Variants in MEIS2 observed in about 807,000 individuals in gnomAD.
MEIS2 encodes Meis homeobox 2.
MEIS2 carries 9 observed loss-of-function variants against 58.6 expected under a neutral mutation model. The ratio of observed to expected loss-of-function variants is 0.15; its 90% CI spans 0.09 to 0.27. MEIS2 has a LOEUF of 0.27. MEIS2 is among the 10% of genes least tolerant of loss of function. The pLI is 1.00. For missense variants in MEIS2, 427 were observed against 635.0 expected (o/e 0.67, Z 3.52); for synonymous variants, 221 against 228.4 (o/e 0.97, Z 0.29).
At chr15:36,999,482 A>G (rs924087348) in intron 8 of MEIS2, among the ~76,000 whole-genome samples, 5 of 152,196 alleles carry the variant, frequency 3.3e-5, no homozygotes, top group African/African-American at 1.2e-4. Flanking sequence ...TGAGCAAGGT[A>G]AGGGCATGCA....
At chr15:36,892,537 A>T in intron 11 of MEIS2, 78 bp from the exon 12 acceptor site, 7 of 1,107,446 alleles carry the variant, frequency 6.3e-6, no homozygotes, top group Non-Finnish European at 6.4e-6. Flanking sequence ...GATGAAAAGA[A>T]AAAAAAAAAA....
chr15:37,050,191 A>G (rs17528255), intron 7 of MEIS2, among the ~76,000 whole-genome samples: 11,524 of 152,204 alleles, frequency 0.076, 623 homozygotes, highest in Non-Finnish European at 0.11. Context: ...ACTTCCACAA[A>G]CAGATACACA....
chr15:37,099,376 G>GA, intron 1 of MEIS2, 79 bp downstream of exon 1: 1 of 1,591,866 alleles, frequency 6.3e-7, no homozygotes, highest in East Asian at 2.2e-5. Flanking sequence ...CAGAAGCGTT[G>GA]AAGGGAGAGG....
intron 9 of MEIS2, among the ~76,000 whole-genome samples, chr15:36,920,431 G>A (rs182525907): frequency 3.2e-4 from 49 of 152,320 alleles, no homozygotes; most frequent in African/African-American, 1.0e-3. Context: ...ACAGGCGTGA[G>A]CCACGGCGCC....
intron 7 of MEIS2, among the ~76,000 whole-genome samples, chr15:37,051,993 G>A (rs890764639): frequency 4.6e-5 from 7 of 150,634 alleles, no homozygotes; most frequent in East Asian, 1.9e-4. Context: ...AAAAAATACC[G>A]ATAATAACTT....
At chr15:37,000,435 A>G (rs957027713) in intron 8 of MEIS2, among the ~76,000 whole-genome samples, 44 of 152,144 alleles carry the variant, frequency 2.9e-4, no homozygotes, top group African/African-American at 9.7e-4. Flanking sequence ...TCTTTCTGCA[A>G]CCACAACCCC....
At chr15:37,044,278 T>C (rs1446839737) in intron 7 of MEIS2, among the ~76,000 whole-genome samples, 2 of 152,160 alleles carry the variant, frequency 1.3e-5, no homozygotes, top group Non-Finnish European at 2.9e-5. Flanking sequence ...CCCTCTCTGC[T>C]AAAGAAATAA....
chr15:37,064,636 T>G (rs1378756411), intron 7 of MEIS2, among the ~76,000 whole-genome samples: 1 of 152,210 alleles, frequency 6.6e-6, no homozygotes, highest in African/African-American at 2.4e-5. Flanking sequence ...CAAATTAATT[T>G]TAACTGTGTA....
chr15:36,947,008 T>A (rs1342271696), intron 9 of MEIS2, among the ~76,000 whole-genome samples: 4 of 152,028 alleles, frequency 2.6e-5, no homozygotes, highest in African/African-American at 9.7e-5. Context: ...TCCTAACGCG[T>A]GTACTTTGGT....
intron 8 of MEIS2, among the ~76,000 whole-genome samples, chr15:37,023,025 T>C (rs1237693694): frequency 1.3e-5 from 2 of 152,234 alleles, no homozygotes; most frequent in South Asian, 2.1e-4. Flanking sequence ...TTGCCTGTTA[T>C]ATAATGTTAC....
At chr15:36,974,653 C>T (rs1286801570) in intron 8 of MEIS2, among the ~76,000 whole-genome samples, 1 of 152,178 alleles carries the variant, frequency 6.6e-6, no homozygotes, top group Non-Finnish European at 1.5e-5. Flanking sequence ...CATGGGTTAA[C>T]GTCCTCTGTA....
At chr15:37,070,959 G>C (rs1890625356) in intron 7 of MEIS2, among the ~76,000 whole-genome samples, 1 of 151,942 alleles carries the variant, frequency 6.6e-6, no homozygotes, top group South Asian at 2.1e-4. Flanking sequence ...GAAGCATACG[G>C]GTCTGCTATT....
intron 8 of MEIS2, among the ~76,000 whole-genome samples, chr15:36,976,773 T>C (rs975671652): frequency 1.3e-5 from 2 of 152,166 alleles, no homozygotes; most frequent in African/African-American, 2.4e-5. Flanking sequence ...ATCCACCTAC[T>C]ATGGGCAAGG....
At chr15:36,945,450 T>C (rs1235641177) in intron 9 of MEIS2, among the ~76,000 whole-genome samples, 1 of 152,058 alleles carries the variant, frequency 6.6e-6, no homozygotes, top group Non-Finnish European at 1.5e-5. Flanking sequence ...TGTGTCAGCA[T>C]CATTCCATTT....
chr15:37,077,738 G>A (rs1158727056), intron 7 of MEIS2, among the ~76,000 whole-genome samples: 6 of 151,760 alleles, frequency 4.0e-5, no homozygotes, highest in South Asian at 2.1e-4. Context: ...AAGGGGGCGC[G>A]GCATGACGTT....
chr15:37,083,707 C>A (rs1596100619), intron 7 of MEIS2, 64 bp downstream of exon 7: 29 of 1,368,294 alleles, frequency 2.1e-5, no homozygotes, highest in Non-Finnish European at 2.9e-5. Context: ...GTACTGATAT[C>A]ATAAAATACT....
intron 8 of MEIS2, among the ~76,000 whole-genome samples, chr15:36,988,349 C>T (rs2060160240): frequency 6.6e-6 from 1 of 152,056 alleles, no homozygotes; most frequent in South Asian, 2.1e-4. Context: ...TTGGGGAACC[C>T]CAAATCAGTA....
rs534455085 is a variant in MEIS2 at position 37,028,066 on chromosome 15, C to T, written c.900+8748G>A. Among the ~76,000 whole-genome samples the T allele has an allele frequency of 4.6e-5, 7 of 152,238 alleles. No homozygotes were observed. In the East Asian group the frequency reaches 1.2e-3, roughly 25 times the overall value. On this transcript the variant is annotated intron_variant, in intron 8 of 11. Coordinates refer to ENST00000561208, the MANE Select transcript of MEIS2 (RefSeq NM_170675.5). The stretch of plus-strand genomic sequence containing the variant: ...AGTATCATCCAGAGCAGTTTGGCTG[C>T]CCTAAAAACTCTGTGTTCTGCCTAT...
intron 8 of MEIS2, among the ~76,000 whole-genome samples, chr15:37,007,407 C>A (rs111301600): frequency 6.6e-6 from 1 of 152,152 alleles, no homozygotes; most frequent in Non-Finnish European, 1.5e-5. Context: ...AGAGAATTCA[C>A]AAGAAGCCAC....
Sources: gnomAD v4.1 joint callset for allele counts (sites outside exome capture counted in the v4.1 genomes callset) on GRCh38, gnomAD v4.1.1 for gene constraint, MANE v1.5 for transcripts, NCBI Gene and HGNC (gene_info 2026-07-23, HGNC 2026-07-21) for gene names.